Variants in EPHB1 observed in about 807,000 individuals in gnomAD.
EPHB1 encodes ephrin type-B receptor 1.
A neutral mutation model predicts 94.4 loss-of-function variants in EPHB1; 30 were observed. The ratio of observed to expected loss-of-function variants is 0.32; its 90% CI spans 0.24 to 0.43. The LOEUF is 0.43. Among genes scored for constraint, EPHB1 ranks in the 20% least tolerant of loss-of-function variants. EPHB1 has a pLI of 1.00. For missense variants in EPHB1, 1,055 were observed against 1,308.3 expected (o/e 0.81, Z 2.99); for synonymous variants, 522 against 489.1 (o/e 1.07, Z -0.89).
chr3:134,813,992 A>G (rs931273250), intron 1 of EPHB1, among the ~76,000 whole-genome samples: 2 of 151,972 alleles, frequency 1.3e-5, no homozygotes, highest in African/African-American at 4.8e-5. Flanking sequence ...ACTGTCTGAG[A>G]CTCCCTGAGG....
At chr3:135,250,131 CAAAT>C (rs1448936704) in intron 15 of EPHB1, among the ~76,000 whole-genome samples, 1 of 152,142 alleles carries the variant, frequency 6.6e-6, no homozygotes. Flanking sequence ...GTCCCACTGT[CAAAT>C]AAATTTGGGA....
At chr3:134,818,546 A>AC (rs1474506550) in intron 1 of EPHB1, among the ~76,000 whole-genome samples, 5 of 151,920 alleles carry the variant, frequency 3.3e-5, no homozygotes, top group Non-Finnish European at 5.9e-5. Flanking sequence ...TCCCTCTCTT[A>AC]CCCCAAAGTC....
At chr3:134,941,741 A>G (rs986954856) in intron 2 of EPHB1, among the ~76,000 whole-genome samples, 2 of 138,894 alleles carry the variant, frequency 1.4e-5, no homozygotes, top group Admixed American at 1.6e-4. Flanking sequence ...CATGCTTTAC[A>G]TATGCACACA....
intron 10 of EPHB1, among the ~76,000 whole-genome samples, chr3:135,182,540 A>G (rs1048170245): frequency 1.3e-5 from 2 of 152,150 alleles, no homozygotes; most frequent in Non-Finnish European, 2.9e-5. Flanking sequence ...GTAACAGTTA[A>G]TTATTCCACA....
chr3:135,179,308 C>A (rs1942082972), intron 9 of EPHB1, among the ~76,000 whole-genome samples: 2 of 152,084 alleles, frequency 1.3e-5, no homozygotes, highest in South Asian at 4.1e-4. Flanking sequence ...TTCACATTTT[C>A]TCTTCTGGTG....
chr3:135,128,946 G>T (rs1940313783), intron 4 of EPHB1, among the ~76,000 whole-genome samples: 1 of 152,122 alleles, frequency 6.6e-6, no homozygotes, highest in Admixed American at 6.5e-5. Context: ...ATACACCGCA[G>T]GGCATGTCTG....
intron 4 of EPHB1, among the ~76,000 whole-genome samples, chr3:135,128,125 C>T (rs930709015): frequency 2.0e-4 from 31 of 152,314 alleles, no homozygotes; most frequent in African/African-American, 6.7e-4. Flanking sequence ...GACGGGGAGA[C>T]CACGGTGCTG....
At position 135,192,678 on chromosome 3, in the gene EPHB1, G is replaced by A. The variant is rs756316035; in HGVS notation, c.1985G>A (p.Arg662His). ...AAGGCAGGGTACTCGGAGAAGCAGCGTCGGGACTTTCTGAGTGAGGCGAGC... is the reference window on the plus strand; with the variant it reads ...AAGGCAGGGTACTCGGAGAAGCAGCATCGGGACTTTCTGAGTGAGGCGAGC... The part of the protein sequence containing the change: ...TLKAGYSEKQ[R>H]RDFLSEASIM... Residue 662 changes from arginine to histidine, a missense_variant, in exon 11 of 16, where the codon CGT becomes CAT. By Grantham distance (29) the Arg-to-His change is conservative. Coordinates refer to ENST00000398015, the MANE Select transcript of EPHB1 (RefSeq NM_004441.5). 2 of 1,614,188 alleles carry A rather than the reference G, an allele frequency of 1.2e-6. No individual in the cohort carries two copies. Among genetic ancestry groups the A allele is most frequent in the South Asian group, 1.1e-5 (1 of 91,084 alleles).
intron 3 of EPHB1, among the ~76,000 whole-genome samples, chr3:135,044,722 T>C (rs1053511779): frequency 2.0e-5 from 3 of 152,234 alleles, no homozygotes; most frequent in African/African-American, 4.8e-5. Context: ...ACACTGATTG[T>C]TCTTAGAAAA....
intron 3 of EPHB1, among the ~76,000 whole-genome samples, chr3:135,089,257 C>A (rs1383087792): frequency 6.6e-6 from 1 of 152,220 alleles, no homozygotes; most frequent in African/African-American, 2.4e-5. Flanking sequence ...AGGTGTACCA[C>A]CAGCAGTGGG....
At chr3:135,202,140 A>G (rs1942774322) in intron 12 of EPHB1, among the ~76,000 whole-genome samples, 1 of 152,132 alleles carries the variant, frequency 6.6e-6, no homozygotes, top group South Asian at 2.1e-4. Context: ...AAATAGCTCT[A>G]AGTACCGTCA....
chr3:134,944,725 G>A (rs2039183368), intron 2 of EPHB1, among the ~76,000 whole-genome samples: 1 of 152,012 alleles, frequency 6.6e-6, no homozygotes, highest in East Asian at 1.9e-4. Flanking sequence ...GGTGGTGGTG[G>A]CTGCAGTTGA....
At chr3:135,169,695 G>A (rs1263426088) in intron 9 of EPHB1, among the ~76,000 whole-genome samples, 1 of 152,154 alleles carries the variant, frequency 6.6e-6, no homozygotes, top group Non-Finnish European at 1.5e-5. Context: ...AAGGGGTTAG[G>A]GAACTCCCTA....
At chr3:135,030,654 G>A (rs982984974) in intron 3 of EPHB1, among the ~76,000 whole-genome samples, 4 of 152,230 alleles carry the variant, frequency 2.6e-5, no homozygotes, top group Admixed American at 1.3e-4. Context: ...ATTTAAGTCC[G>A]CAGAGGTTAC....
At chr3:135,144,146 C>A (rs1576423702) in intron 5 of EPHB1, among the ~76,000 whole-genome samples, 1 of 152,118 alleles carries the variant, frequency 6.6e-6, no homozygotes, top group African/African-American at 2.4e-5. Context: ...GGGGAGGGAG[C>A]CCTACACTGA....
At chr3:135,191,760 TG>T (rs1374034325) in intron 10 of EPHB1, among the ~76,000 whole-genome samples, 4 of 152,182 alleles carry the variant, frequency 2.6e-5, no homozygotes, top group Admixed American at 2.0e-4. Flanking sequence ...CATGCCTGTT[TG>T]GAGAAATAAC....
At chr3:134,986,004 A>G (rs557070009) in intron 3 of EPHB1, among the ~76,000 whole-genome samples, 1 of 152,312 alleles carries the variant, frequency 6.6e-6, no homozygotes, top group African/African-American at 2.4e-5. Context: ...TTTGCCCCAG[A>G]TAGTGACTGT....
intron 13 of EPHB1, among the ~76,000 whole-genome samples, chr3:135,247,807 G>A (rs1228748256): frequency 6.6e-6 from 1 of 152,194 alleles, no homozygotes; most frequent in African/African-American, 2.4e-5. Context: ...CTAGCATGGA[G>A]TAAGTGCTCC....
At chr3:135,256,263 G>C (rs1933380563) in intron 15 of EPHB1, among the ~76,000 whole-genome samples, 1 of 152,186 alleles carries the variant, frequency 6.6e-6, no homozygotes, top group Non-Finnish European at 1.5e-5. Context: ...CTGTCATTAT[G>C]ATGTTAGCTG....
Sources: gnomAD v4.1 joint callset for allele counts (sites outside exome capture counted in the v4.1 genomes callset) on GRCh38, gnomAD v4.1.1 for gene constraint, MANE v1.5 for transcripts, NCBI Gene and HGNC (gene_info 2026-07-23, HGNC 2026-07-21) for gene names.